MAN1C1: variants seen among roughly 807,000 people sequenced by gnomAD.
The protein encoded by MAN1C1 is mannosyl-oligosaccharide 1,2-alpha-mannosidase IC.
Under a neutral mutation model 71.5 loss-of-function variants are expected in MAN1C1, and 49 were observed. The observed-to-expected ratio is 0.69, with a 90% CI of 0.54 to 0.87. The LOEUF (loss-of-function observed/expected upper bound fraction) is 0.87. Ranked by LOEUF, MAN1C1 falls within the 40% of genes least tolerant of loss-of-function variation. MAN1C1 has a pLI of 0.00. For missense variants in MAN1C1, 743 were observed against 835.0 expected (o/e 0.89, Z 1.36); for synonymous variants, 352 against 343.7 (o/e 1.02, Z -0.27).
chr1:25,714,767 G>C (rs2124257889), intron 2 of MAN1C1, among the ~76,000 whole-genome samples: 1 of 152,270 alleles, frequency 6.6e-6, no homozygotes, highest in Non-Finnish European at 1.5e-5. Flanking sequence ...AGCTCTCAGA[G>C]TCAGCTACAC....
At chr1:25,706,058 G>A (rs2046517201) in intron 2 of MAN1C1, among the ~76,000 whole-genome samples, 1 of 152,168 alleles carries the variant, frequency 6.6e-6, no homozygotes, top group East Asian at 1.9e-4. Flanking sequence ...CTTGTTTGGG[G>A]TCACACAGCT....
At chr1:25,689,692 G>A (rs2046280708) in intron 2 of MAN1C1, among the ~76,000 whole-genome samples, 1 of 152,138 alleles carries the variant, frequency 6.6e-6, no homozygotes, top group Non-Finnish European at 1.5e-5. Flanking sequence ...GGACTCATGG[G>A]GGCTGCTGGG....
rs113938799 is a variant in MAN1C1 at position 25,690,953 on chromosome 1, C to T, written c.637+4417C>T. 3.7e-3 allele frequency among the ~76,000 whole-genome samples: 565 copies of T among 152,282 alleles called. 4 individuals are homozygous for T. The highest frequency in any genetic ancestry group is 0.012 in the African/African-American group (507 of 41,548). On this transcript the variant is annotated intron_variant, in intron 2 of 11. Coordinates refer to ENST00000374332, the MANE Select transcript of MAN1C1 (RefSeq NM_020379.4). The stretch of plus-strand genomic sequence containing the variant: ...TCAGTACCCTGAGGCCTGGCTTCCT[C>T]GCCTGTAAAAGGGTACAGATGTTAC...
intron 1 of MAN1C1, among the ~76,000 whole-genome samples, chr1:25,633,535 C>CTTTTTTTTTTT (rs766455245): frequency 9.8e-6 from 1 of 102,232 alleles, no homozygotes; most frequent in Non-Finnish European, 2.0e-5. Context: ...CCTTGTTTGT[C>CTTTTTTTTTTT]TTTTTTTTTT....
chr1:25,658,609 C>T (rs1319959564), intron 1 of MAN1C1, among the ~76,000 whole-genome samples: 1 of 152,154 alleles, frequency 6.6e-6, no homozygotes, highest in Non-Finnish European at 1.5e-5. Context: ...TGCCACCATA[C>T]CTGACTAATT....
At chr1:25,698,965 G>T (rs2046402063) in intron 2 of MAN1C1, among the ~76,000 whole-genome samples, 1 of 141,840 alleles carries the variant, frequency 7.1e-6, no homozygotes, top group South Asian at 2.3e-4. Context: ...AAAAAAAAAA[G>T]CTTCTTGGGA....
At chr1:25,643,805 C>T (rs1186357439) in intron 1 of MAN1C1, among the ~76,000 whole-genome samples, 2 of 151,950 alleles carry the variant, frequency 1.3e-5, no homozygotes, top group Non-Finnish European at 2.9e-5. Context: ...CCGTGCCCAG[C>T]CCTACCTCCT....
chr1:25,780,344 G>C (rs1207711524), intron 9 of MAN1C1, among the ~76,000 whole-genome samples: 1 of 152,100 alleles, frequency 6.6e-6, no homozygotes, highest in East Asian at 1.9e-4. Flanking sequence ...TCCTTCCTCA[G>C]CTCCCTCTGT....
In MAN1C1 at chr1:25,776,423, C is replaced by T. The variant is rs530583271; in HGVS notation, c.1258-1682C>T. On this transcript the variant is annotated intron_variant, in intron 8 of 11. Coordinates refer to ENST00000374332, the MANE Select transcript of MAN1C1 (RefSeq NM_020379.4). The surrounding 1 kb of genome is among the most constrained non-coding windows in gnomAD (Gnocchi z 4.3). ...AAAATTAGCCGGGGGTGGTGGCACA[C>T]GCCTATAATTACCCAGCTACTTGGG... Among the ~76,000 whole-genome samples the T allele has an allele frequency of 3.9e-5, 6 of 152,094 alleles. No homozygotes were observed. Among genetic ancestry groups the T allele is most frequent in the South Asian group, 2.1e-4 (1 of 4,820 alleles).
At chr1:25,706,936 C>T (rs1010323377) in intron 2 of MAN1C1, among the ~76,000 whole-genome samples, 1 of 152,188 alleles carries the variant, frequency 6.6e-6, no homozygotes, top group Admixed American at 6.5e-5. Flanking sequence ...ATACCATCTC[C>T]AAGCAGCAGG....
chr1:25,774,874 C>T (rs184708975), intron 8 of MAN1C1, among the ~76,000 whole-genome samples: 1 of 151,544 alleles, frequency 6.6e-6, no homozygotes, highest in Admixed American at 6.6e-5. Context: ...TGCACCGCTG[C>T]TTGCTGTGAT....
Position 25,778,049 on chromosome 1 carries a change from C to A in MAN1C1, c.1258-56C>A, listed in dbSNP as rs1174010376. 6.0e-6 allele frequency: 8 copies of A among 1,330,170 alleles called. No homozygotes were observed. The highest frequency in any genetic ancestry group is 4.8e-5 in the Admixed American group (2 of 41,874). 82.4% of individuals were successfully genotyped at this position (1,330,170 alleles called of 1,614,324 possible). On this transcript the variant is annotated intron_variant, in intron 8 of 11. Transcript: ENST00000374332. The surrounding 1 kb of genome is among the most constrained non-coding windows in gnomAD (Gnocchi z 5.5). ...TGTTCATTTTCCATCCTTTCCCCCC[C>A]TTCTCTGTGCCCTCCCACGCCCCTT...
At chr1:25,727,462 G>A (rs2046847572) in intron 2 of MAN1C1, among the ~76,000 whole-genome samples, 2 of 152,202 alleles carry the variant, frequency 1.3e-5, no homozygotes, top group Non-Finnish European at 1.5e-5. Context: ...CACCCTGCCC[G>A]AGAACGGGAC....
intron 1 of MAN1C1, among the ~76,000 whole-genome samples, chr1:25,683,723 G>A (rs1322210522): frequency 6.6e-6 from 1 of 152,142 alleles, no homozygotes; most frequent in Non-Finnish European, 1.5e-5. Context: ...CAGGATACCT[G>A]GTAGGGGCTT....
In MAN1C1 at chr1:25,784,128, T is replaced by C. The variant is rs2047736060; in HGVS notation, c.*339T>C. On this transcript the variant is annotated 3_prime_UTR_variant, in exon 12 of 12. Coordinates refer to ENST00000374332, the MANE Select transcript of MAN1C1 (RefSeq NM_020379.4). ...CTTTTGGTTTCTTGGTTTTTGTTTT[T>C]GCTTGATTTTGTCTTTTCTCTACAG... 4.7e-6 allele frequency: 1 copy of C among 213,064 alleles called. No homozygotes were observed. Among genetic ancestry groups the C allele is most frequent in the African/African-American group, 2.3e-5 (1 of 44,068 alleles). The allele number at this position is 213,064 out of a possible 1,614,324, so 13.2% of individuals were successfully genotyped here.
At position 25,711,472 on chromosome 1, in the gene MAN1C1, G is replaced by A. The variant is rs2046612003; in HGVS notation, c.637+24936G>A. On this transcript the variant is annotated intron_variant, in intron 2 of 11. Transcript: ENST00000374332. This position sits in a 1 kb window ranked among gnomAD's most constrained non-coding sequence, Gnocchi z 4.3. ...TGAATTCTCATCTCCTCAGGCCAAA[G>A]CTGGACATGCCTTTCCTGGGTTTGA... Among the ~76,000 whole-genome samples the A allele has an allele frequency of 1.3e-5, 2 of 152,260 alleles. No homozygotes were observed. The highest frequency in any genetic ancestry group is 4.8e-5 in the African/African-American group (2 of 41,476).
At chr1:25,665,100 A>G (rs1419284676) in intron 1 of MAN1C1, among the ~76,000 whole-genome samples, 1 of 152,164 alleles carries the variant, frequency 6.6e-6, no homozygotes, top group Non-Finnish European at 1.5e-5. Context: ...TCTGACAAAG[A>G]GGCAGAGAGA....
intron 1 of MAN1C1, among the ~76,000 whole-genome samples, chr1:25,622,925 T>TA (rs1399733146): frequency 6.6e-6 from 1 of 152,226 alleles, no homozygotes; most frequent in Non-Finnish European, 1.5e-5. Context: ...GTAGGAAAAT[T>TA]AAAAGGCTTT....
rs150265673 is a variant in MAN1C1 at position 25,756,217 on chromosome 1, G to A, written c.930-2375G>A. Among the ~76,000 whole-genome samples the A allele has an allele frequency of 1.8e-4, 27 of 152,320 alleles. No individual in the cohort carries two copies. The East Asian group carries it at 5.0e-3, about 28-fold the overall frequency. On this transcript the variant is annotated intron_variant, in intron 5 of 11. Transcript: ENST00000374332. ...TACCTCACAATAACTATGAAGTGTGGGTGCTGTCACTTAAGGGATGAGGAA... is the reference window on the plus strand; with the variant it reads ...TACCTCACAATAACTATGAAGTGTGAGTGCTGTCACTTAAGGGATGAGGAA...
Sources: gnomAD v4.1 joint callset for allele counts (sites outside exome capture counted in the v4.1 genomes callset) on GRCh38, gnomAD v4.1.1 for gene constraint, Gnocchi (gnomAD v3.1) non-coding constraint, MANE v1.5 for transcripts, NCBI Gene and HGNC (gene_info 2026-07-23, HGNC 2026-07-21) for gene names.